The following NDST3 variants were observed in gnomAD, a reference collection of about 807,000 sequenced individuals.
NDST3 encodes N-deacetylase and N-sulfotransferase 3, also known as bifunctional heparan sulfate N-deacetylase/N-sulfotransferase 3.
Under a neutral mutation model 96.1 loss-of-function variants are expected in NDST3, and 58 were observed. That is an observed-to-expected ratio of 0.60 (90% confidence interval 0.49 to 0.75). The LOEUF is 0.75. Ranked by LOEUF, NDST3 falls within the 30% of genes least tolerant of loss-of-function variation. The pLI, the probability that NDST3 is intolerant of heterozygous loss-of-function variation, is 0.00. For synonymous variants in NDST3, 333 were observed against 359.7 expected (o/e 0.93, Z 0.84); for missense variants, 788 against 1,034.2 (o/e 0.76, Z 3.27).
chr4:118,165,367 A>C (rs1174741472), intron 6 of NDST3, among the ~76,000 whole-genome samples: 1 of 152,114 alleles, frequency 6.6e-6, no homozygotes, highest in East Asian at 1.9e-4. Flanking sequence ...TCAATTAACC[A>C]GGAAGATATA....
intron 6 of NDST3, among the ~76,000 whole-genome samples, chr4:118,218,689 C>G (rs1739348054): frequency 6.6e-6 from 1 of 151,920 alleles, no homozygotes; most frequent in Non-Finnish European, 1.5e-5. Context: ...AAGTTCGGCC[C>G]AAGGCAATCA....
chr4:118,190,513 C>T (rs1253578724), intron 6 of NDST3, among the ~76,000 whole-genome samples: 35 of 152,172 alleles, frequency 2.3e-4, no homozygotes, highest in Non-Finnish European at 1.3e-4. Context: ...CTTCCCCAGT[C>T]ATCTTGGGTC....
chr4:118,215,399 G>A (rs760752399), intron 6 of NDST3, among the ~76,000 whole-genome samples: 2 of 152,050 alleles, frequency 1.3e-5, no homozygotes, highest in Non-Finnish European at 2.9e-5. Context: ...ATGTAGCTAC[G>A]AGGCTATTGC....
chr4:118,177,505 C>G (rs942155396), intron 6 of NDST3, among the ~76,000 whole-genome samples: 1 of 151,856 alleles, frequency 6.6e-6, no homozygotes, highest in East Asian at 1.9e-4. Flanking sequence ...AATTTGAATA[C>G]CCTCAATCAA....
chr4:118,075,391 A>G (rs1208567063), intron 2 of NDST3, among the ~76,000 whole-genome samples: 1 of 152,212 alleles, frequency 6.6e-6, no homozygotes, highest in African/African-American at 2.4e-5. Flanking sequence ...AGCATGATTT[A>G]TAATCCTTTG....
intron 2 of NDST3, among the ~76,000 whole-genome samples, chr4:118,062,472 CTCTT>C (rs763093529): frequency 3.9e-5 from 6 of 152,192 alleles, no homozygotes; most frequent in South Asian, 2.1e-4. Context: ...CTCACTCTCT[CTCTT>C]TGTTTGGTGG....
At chr4:118,096,530 T>C (rs752248382) in intron 2 of NDST3, among the ~76,000 whole-genome samples, 1 of 151,808 alleles carries the variant, frequency 6.6e-6, no homozygotes, top group Non-Finnish European at 1.5e-5. Flanking sequence ...AAGCTAAAAT[T>C]CTGTTGCATA....
chr4:118,069,122 C>T (rs535709054), intron 2 of NDST3, among the ~76,000 whole-genome samples: 2 of 139,458 alleles, frequency 1.4e-5, no homozygotes, highest in Non-Finnish European at 3.2e-5. Context: ...CTTCTGTGAT[C>T]TTTCAGGAAC....
chr4:118,234,595 G>T (rs944192484), intron 9 of NDST3, among the ~76,000 whole-genome samples: 18 of 151,844 alleles, frequency 1.2e-4, no homozygotes, highest in African/African-American at 4.4e-4. Flanking sequence ...TCAATAATTG[G>T]ATTCCCTAGG....
chr4:118,179,332 G>C (rs1736457884), intron 6 of NDST3, among the ~76,000 whole-genome samples: 1 of 152,004 alleles, frequency 6.6e-6, no homozygotes, highest in South Asian at 2.1e-4. Flanking sequence ...CATTAGTACT[G>C]CATAAGAAAA....
At chr4:118,053,695 T>C (rs554251999) in intron 1 of NDST3, 61 bp from the exon 2 acceptor site, 32 of 489,094 alleles carry the variant, frequency 6.5e-5, no homozygotes, top group African/African-American at 4.7e-4. Context: ...GTCAACAAGA[T>C]AAAAACTTGC....
chr4:118,053,457 TG>T (rs991153023), intron 1 of NDST3, among the ~76,000 whole-genome samples: 8 of 151,964 alleles, frequency 5.3e-5, no homozygotes, highest in Admixed American at 5.3e-4. Flanking sequence ...GACCTCTCCG[TG>T]GTCTTTGTTG....
At chr4:118,202,010 C>T (rs1490677391) in intron 6 of NDST3, among the ~76,000 whole-genome samples, 1 of 152,172 alleles carries the variant, frequency 6.6e-6, no homozygotes, top group African/African-American at 2.4e-5. Context: ...ATACGGCTAA[C>T]TAGTTATCTC....
chr4:118,033,705 C>G (rs917103495), upstream of NDST3: 1 of 152,024 alleles, frequency 6.6e-6, no homozygotes, highest in South Asian at 2.1e-4. Flanking sequence ...GCGCTCGCCC[C>G]GCAGCCGCAG....
At chr4:118,203,994 A>C (rs1005920152) in intron 6 of NDST3, among the ~76,000 whole-genome samples, 1 of 152,224 alleles carries the variant, frequency 6.6e-6, no homozygotes, top group Middle Eastern at 3.2e-3. Context: ...CCATTCAGAC[A>C]TAAGAGGCCT....
chr4:118,073,408 T>C (rs1341186650), intron 2 of NDST3, among the ~76,000 whole-genome samples: 2 of 152,158 alleles, frequency 1.3e-5, no homozygotes. Flanking sequence ...GAACTCATTA[T>C]TGGTCTGTTC....
chr4:118,129,407 GA>G (rs1464923763), intron 4 of NDST3, among the ~76,000 whole-genome samples: 1 of 151,734 alleles, frequency 6.6e-6, no homozygotes, highest in Non-Finnish European at 1.5e-5. Context: ...TTCTTTTCCA[GA>G]AAGTTTTTCA....
At chr4:118,066,926 C>T (rs1427744539) in intron 2 of NDST3, among the ~76,000 whole-genome samples, 2 of 112,594 alleles carry the variant, frequency 1.8e-5, no homozygotes, top group African/African-American at 6.5e-5. Flanking sequence ...ATTATATATA[C>T]ATTATATATA....
chr4:118,060,694 C>T (rs753376043), intron 2 of NDST3, among the ~76,000 whole-genome samples: 1 of 151,770 alleles, frequency 6.6e-6, no homozygotes, highest in Non-Finnish European at 1.5e-5. Context: ...TTTTTCTATC[C>T]ATTCCTGGTT....
Sources: gnomAD v4.1 joint callset for allele counts (sites outside exome capture counted in the v4.1 genomes callset) on GRCh38, gnomAD v4.1.1 for gene constraint, MANE v1.5 for transcripts, NCBI Gene and HGNC (gene_info 2026-07-23, HGNC 2026-07-21) for gene names.